The following ZSCAN10 variants were observed in gnomAD, a reference collection of about 807,000 sequenced individuals.
The protein encoded by ZSCAN10 is zinc finger and SCAN domain containing 10.
Under a neutral mutation model 63.7 loss-of-function variants are expected in ZSCAN10, and 52 were observed. The observed-to-expected ratio is 0.82, with a 90% confidence interval of 0.65 to 1.03. The LOEUF is 1.03. Among genes scored for constraint, ZSCAN10 ranks in the 50% least tolerant of loss-of-function variants. The pLI is 0.00. For synonymous variants in ZSCAN10, 544 were observed against 479.6 expected, an observed-to-expected ratio of 1.13 and a Z score of -1.76; for missense variants, 1,223 against 1,103.8, an observed-to-expected ratio of 1.11 and a Z score of -1.53.
intron 1 of ZSCAN10, among the ~76,000 whole-genome samples, chr16:3,093,821 A>T (rs1957121559): frequency 6.6e-6 from 1 of 151,222 alleles, no homozygotes; most frequent in African/African-American, 2.4e-5. Flanking sequence ...AGTAGCTGGG[A>T]TTACAGGCCT....
chr16:3,089,428 TG>T lies in ZSCAN10; in HGVS notation c.2005del (p.His669ThrfsTer168). On this transcript the variant is annotated frameshift_variant, in exon 6 of 6. Transcript: ENST00000576985. LOFTEE classifies it high-confidence loss of function. ...EKPHACDTCG[H>X]RFRNSSNLAR... is the part of the protein sequence containing the mutation. ...CAGGTTGGAGCTATTGCGGAAACGGTGGCCGCAGGTGTCGCAGGCGTGGGGC... is the reference window on the plus strand; with the variant it reads ...CAGGTTGGAGCTATTGCGGAAACGGTGCCGCAGGTGTCGCAGGCGTGGGGC... 6.2e-7 allele frequency: 1 copy of T among 1,605,086 alleles called. No homozygotes were observed. Among genetic ancestry groups the T allele is most frequent in the Non-Finnish European group, 8.5e-7 (1 of 1,178,592 alleles).
At chr16:3,093,569 A>AT (rs1411083368) in intron 1 of ZSCAN10, among the ~76,000 whole-genome samples, 1 of 151,030 alleles carries the variant, frequency 6.6e-6, no homozygotes, top group Non-Finnish European at 1.5e-5. Flanking sequence ...TAAAGTGACC[A>AT]TCCCTGAAAG....
rs1567163033 is a variant in ZSCAN10, at chr16:3,089,343, G to C, written c.2091C>G (p.Arg697=). 6.3e-7 allele frequency: 1 copy of C among 1,591,854 alleles called. No individual in the cohort carries two copies. The highest frequency in any genetic ancestry group is 1.7e-4 in the Middle Eastern group (1 of 6,022). ...GCAGATGCGCGTTGCGCCGGAAGCT[G>C]CGACCGCACGTCTGACAGCTGTAGG... The part of the protein sequence containing the change: ...ERPYSCQTCG[R]SFRRNAHLRR... The change falls in exon 6 of 6, where the codon CGC becomes CGG. Residue 697 remains arginine (R), a synonymous_variant. Coordinates refer to ENST00000576985, the MANE Select transcript of ZSCAN10 (RefSeq NM_032805.3).
rs1300455437 is a variant in ZSCAN10 at position 3,089,819 on chromosome 16, C to T, written c.1615G>A (p.Ala539Thr). ...KAFRRSEHLV[A>T]HRRVHTGERP... The stretch of plus-strand genomic sequence containing the variant: ...TCGCCCGTGTGCACCCTCCGGTGGG[C>T]CACCAGGTGCTCGCTGCGCCGGAAG... The change falls in exon 6 of 6, where the codon GCC (alanine) becomes ACC (threonine). Residue 539 changes from alanine to threonine, a missense_variant. Ala to Thr is a moderately conservative substitution (Grantham distance 58). Coordinates refer to ENST00000576985, the MANE Select transcript of ZSCAN10 (RefSeq NM_032805.3). 1.9e-6 allele frequency: 3 copies of T among 1,571,662 alleles called. No homozygotes were observed. Among genetic ancestry groups the T allele is most frequent in the Admixed American group, 3.6e-5 (2 of 56,268 alleles).
intron 2 of ZSCAN10, 58 bp from the exon 3 acceptor site, chr16:3,092,374 C>A: frequency 6.5e-7 from 1 of 1,545,208 alleles, no homozygotes; most frequent in South Asian, 1.2e-5. Context: ...TGTCCTGACT[C>A]CGAGGGGACA....
intron 1 of ZSCAN10, chr16:3,096,435 C>T (rs527469667): frequency 6.6e-6 from 1 of 152,534 alleles, no homozygotes; most frequent in South Asian, 2.1e-4. Flanking sequence ...CCTGAAGCAC[C>T]ACTCCACTCA....
rs1439287064 is a variant in ZSCAN10 at position 3,092,990 on chromosome 16, C to A, written c.-53G>T. ...GCCAGCCCCGCTCTTGGGTCTCTCT[C>A]CTCTCCTCCCACACCTGCGAAGGTG... On this transcript the variant is annotated 5_prime_UTR_variant, in exon 2 of 6. Coordinates refer to ENST00000576985, the MANE Select transcript of ZSCAN10 (RefSeq NM_032805.3). 4 of 1,391,226 alleles carry A rather than the reference C, an allele frequency of 2.9e-6. No individual in the cohort carries two copies. The highest frequency in any genetic ancestry group is 3.7e-6 in the Non-Finnish European group (4 of 1,076,320). The allele number at this position is 1,391,226 out of a possible 1,614,324, so 86.2% of individuals were successfully genotyped here. A position where few individuals can be genotyped will look rare whatever the true frequency, so the allele number is the denominator to read the frequency against.
At chr16:3,096,096 T>G (rs1162816304) in intron 1 of ZSCAN10, among the ~76,000 whole-genome samples, 1 of 152,230 alleles carries the variant, frequency 6.6e-6, no homozygotes, top group Non-Finnish European at 1.5e-5. Flanking sequence ...GGGCTTCCCC[T>G]TCCTGGTCTG....
intron 5 of ZSCAN10, 80 bp downstream of exon 5, chr16:3,091,460 T>A: frequency 6.6e-7 from 1 of 1,504,516 alleles, no homozygotes; most frequent in Non-Finnish European, 9.2e-7. Context: ...CTGGGCAACA[T>A]AGCGAGATTC....
Position 3,090,061 on chromosome 16 carries a change from T to G in ZSCAN10, c.1373A>C (p.Gln458Pro). 6.2e-7 allele frequency: 1 copy of G among 1,604,906 alleles called. No homozygotes were observed. The highest frequency in any genetic ancestry group is 1.3e-5 in the African/African-American group (1 of 74,896). The change falls in exon 6 of 6, where the codon CAG (glutamine) becomes CCG (proline). Residue 458 changes from glutamine (Q) to proline (P), a missense_variant. By Grantham distance (76) the Gln-to-Pro change is moderately conservative. Coordinates refer to ENST00000576985, the MANE Select transcript of ZSCAN10 (RefSeq NM_032805.3). Reference protein sequence around the residue: ...VQHLLAHAQDQKPPCAPESKA... With the variant: ...VQHLLAHAQDPKPPCAPESKA... ...ACTCTCAGGAGCGCAGGGCGGCTTC[T>G]GGTCCTGGGCGTGCGCCAGCAGGTG... is the stretch of plus-strand genomic sequence containing the variant.
chr16:3,092,207 G>T lies in ZSCAN10; in HGVS notation c.506C>A (p.Ala169Glu). ...PSHSPKKELP[A>E]EEPSVLGPSD... ...TGGGCCCAGCACTGAAGGCTCTTCCGCAGGCAATTCCTTCTTGGGGCTGTG... is the reference window on the plus strand; with the variant it reads ...TGGGCCCAGCACTGAAGGCTCTTCCTCAGGCAATTCCTTCTTGGGGCTGTG... Residue 169 changes from alanine (A) to glutamate (E), a missense_variant, in exon 3 of 6, where the codon GCG (alanine) becomes GAG (glutamate). Ala to Glu is a moderately radical substitution (Grantham distance 107, BLOSUM62 -1). Coordinates refer to ENST00000576985, the MANE Select transcript of ZSCAN10 (RefSeq NM_032805.3). The T allele has an allele frequency of 6.2e-7, 1 of 1,612,518 alleles. No individual in the cohort carries two copies. The highest frequency in any genetic ancestry group is 2.2e-5 in the East Asian group (1 of 44,884).
At chr16:3,090,783 T>C in intron 5 of ZSCAN10, 137 bp from the exon 6 acceptor site, 4 of 1,063,304 alleles carry the variant, frequency 3.8e-6, no homozygotes, top group Non-Finnish European at 5.1e-6. Context: ...GGCACAGTGG[T>C]TCACGCCTGT....
chr16:3,097,999 C>T (rs1483652759), intron 1 of ZSCAN10, among the ~76,000 whole-genome samples: 3 of 140,944 alleles, frequency 2.1e-5, no homozygotes, highest in African/African-American at 8.1e-5. Flanking sequence ...GCCATGTTCG[C>T]GCCACTGCAC....
At chr16:3,092,493 A>G (rs1348379747) in intron 2 of ZSCAN10, 49 bp downstream of exon 2, 12 of 1,454,542 alleles carry the variant, frequency 8.3e-6, no homozygotes, top group Non-Finnish European at 1.1e-5. Context: ...TGGGGGGATC[A>G]AGTCCCCATC....
At position 3,091,952 on chromosome 16, in the gene ZSCAN10, T is replaced by C. The variant is rs111987520; in HGVS notation, c.664+97A>G. 1.1e-3 allele frequency: 1,739 copies of C among 1,579,082 alleles called. 13 individuals carry two copies. The African/African-American group carries it at 0.015, about 13-fold the overall frequency. On this transcript the variant is annotated intron_variant, in intron 3 of 5. Transcript: ENST00000576985. ...AAGACACCTTGGCGCTCTCCTGTCCTGGTCACCTGGGGAGGCCCCACTTCT... is the reference window on the plus strand; with the variant it reads ...AAGACACCTTGGCGCTCTCCTGTCCCGGTCACCTGGGGAGGCCCCACTTCT...
rs1250687969 is a variant in ZSCAN10, at chr16:3,092,135, T to C, written c.578A>G (p.Glu193Gly). 2 of 1,613,254 alleles carry C rather than the reference T, an allele frequency of 1.2e-6. No individual in the cohort carries two copies. Among genetic ancestry groups the C allele is most frequent in the Non-Finnish European group, 8.5e-7 (1 of 1,179,598 alleles). The part of the protein sequence containing the change: ...RPQPRAAQPA[E>G]PGQWRLPPSS... ...TGGGGGAAGCCTCCACTGTCCCGGC[T>C]CAGCAGGCTGGGCAGCCCTTGGCTG... is the stretch of plus-strand genomic sequence containing the variant. The change falls in exon 3 of 6, where the codon GAG becomes GGG. Residue 193 changes from glutamate (E) to glycine (G), a missense_variant. Physicochemically the swap from Glu to Gly is moderately conservative, Grantham distance 98. Transcript: ENST00000576985.
In ZSCAN10 at chr16:3,092,280, C is replaced by T. The variant is rs377598614; in HGVS notation, c.433G>A (p.Ala145Thr). ...CCCTTTTCCTCCAAGGTGACGTCTG[C>T]ACGGGGACAACTCTTGCCAGCATTA... Reference protein sequence around the residue: ...SCNAGKSCPRADVTLEEKGCA... With the variant: ...SCNAGKSCPRTDVTLEEKGCA... Residue 145 changes from alanine to threonine, a missense_variant, in exon 3 of 6, where the codon GCA becomes ACA. Physicochemically the swap from Ala to Thr is moderately conservative, Grantham distance 58. Coordinates refer to ENST00000576985, the MANE Select transcript of ZSCAN10 (RefSeq NM_032805.3). The T allele has an allele frequency of 3.1e-6, 5 of 1,611,974 alleles. No individual in the cohort carries two copies. The highest frequency in any genetic ancestry group is 2.7e-5 in the African/African-American group (2 of 75,022).
intron 1 of ZSCAN10, among the ~76,000 whole-genome samples, chr16:3,097,651 A>ACC (rs1957168894): frequency 6.6e-6 from 1 of 151,668 alleles, no homozygotes; most frequent in South Asian, 2.1e-4. Flanking sequence ...CCATCCTCCC[A>ACC]CCCCATCTCT....
In ZSCAN10 at chr16:3,089,278, T is replaced by G; in HGVS notation, c.2156A>C (p.Gln719Pro). Residue 719 changes from glutamine (Q) to proline (P), a missense_variant, in exon 6 of 6, where the codon CAG becomes CCG. Physicochemically the swap from Gln to Pro is moderately conservative, Grantham distance 76. Coordinates refer to ENST00000576985, the MANE Select transcript of ZSCAN10 (RefSeq NM_032805.3). ...LATHAEPGQE[Q>P]AEPPQECVEC... is the part of the protein sequence containing the mutation. Reference sequence around the variant, plus strand: ...CACGCACTCCTGCGGGGGCTCGGCCTGCTCCTGCCCGGGCTCCGCATGGGT... The same window carrying G: ...CACGCACTCCTGCGGGGGCTCGGCCGGCTCCTGCCCGGGCTCCGCATGGGT... 1.3e-6 allele frequency: 2 copies of G among 1,565,240 alleles called. No individual in the cohort carries two copies. The highest frequency in any genetic ancestry group is 1.7e-6 in the Non-Finnish European group (2 of 1,163,968).
Sources: allele counts gnomAD v4.1 joint callset (sites outside exome capture counted in the v4.1 genomes callset), GRCh38; gene constraint gnomAD v4.1.1; transcripts MANE v1.5; gene names NCBI Gene and HGNC (gene_info 2026-07-23, HGNC 2026-07-21).